The following ENKUR variants were observed in gnomAD, a reference collection of about 807,000 sequenced individuals.
The protein encoded by ENKUR is enkurin, TRPC channel interacting protein.
Under a neutral mutation model 27.6 loss-of-function variants are expected in ENKUR, and 19 were observed. That is an observed-to-expected ratio of 0.69 (90% CI 0.48 to 1.01). ENKUR has a LOEUF of 1.01. Among genes scored for constraint, ENKUR ranks in the 50% least tolerant of loss-of-function variants. ENKUR has a pLI of 0.00. For missense variants in ENKUR, 312 were observed against 310.5 expected (o/e 1.00, Z -0.04); for synonymous variants, 117 against 96.9 (o/e 1.21, Z -1.22).
rs61522642 is a variant in ENKUR, at chr10:25,015,947, T to C, written c.-11A>G. 2,423 of 1,604,348 alleles carry C rather than the reference T, an allele frequency of 1.5e-3. 20 individuals carry two copies. The highest frequency in any genetic ancestry group is 0.01 in the Middle Eastern group (62 of 6,048). On this transcript the variant is annotated 5_prime_UTR_variant, in exon 1 of 6. Coordinates refer to ENST00000331161, the MANE Select transcript of ENKUR (RefSeq NM_145010.4). Reference sequence around the variant, plus strand: ...GCACGTTGGATCCATGGCCACCAAATGACTCCTTAAAAGCTACTCTCCACA... The same window carrying C: ...GCACGTTGGATCCATGGCCACCAAACGACTCCTTAAAAGCTACTCTCCACA...
chr10:24,984,839 T>C lies in ENKUR; in HGVS notation c.661A>G (p.Ile221Val), dbSNP rs1292807412. ...FQSLSVFIDS[I>V]PKKIRKQRLE... is the part of the protein sequence containing the mutation. ...CTCTGCTTGCGGATCTTCTTTGGTA[T>C]AGAATCTATAAAGACCGAGAGGGAC... The change falls in exon 5 of 6, where the codon ATA becomes GTA. Residue 221 changes from isoleucine (I) to valine (V), a missense_variant. Ile to Val is a conservative substitution (Grantham distance 29). Transcript: ENST00000331161. 5 of 1,613,704 alleles carry C rather than the reference T, an allele frequency of 3.1e-6. No individual in the cohort carries two copies. Among genetic ancestry groups the C allele is most frequent in the Non-Finnish European group, 4.2e-6 (5 of 1,179,824 alleles).
chr10:25,048,027 C>A (rs573191515), intron 2 of ENKUR, among the ~76,000 whole-genome samples: 1 of 152,034 alleles, frequency 6.6e-6, no homozygotes, highest in African/African-American at 2.4e-5. Context: ...AGTCCTGTTC[C>A]TTCCTTACCC....
At position 25,011,843 on chromosome 10, in the gene ENKUR, C is replaced by T. The variant is rs1850452628; in HGVS notation, c.77+4017G>A. Among the ~76,000 whole-genome samples the T allele has an allele frequency of 2.0e-5, 3 of 152,226 alleles. No homozygotes were observed. The South Asian group carries it at 6.2e-4, about 31-fold the overall frequency. On this transcript the variant is annotated intron_variant, in intron 1 of 5. Coordinates refer to ENST00000331161, the MANE Select transcript of ENKUR (RefSeq NM_145010.4). ...TCTGAGGAGAAATTCAAGCCAGCTG[C>T]AGAAATTTGCATAAGGAGAAGCCAA...
chr10:25,040,169 C>T (rs191852926), intron 2 of ENKUR, among the ~76,000 whole-genome samples: 1 of 151,982 alleles, frequency 6.6e-6, no homozygotes, highest in Non-Finnish European at 1.5e-5. Flanking sequence ...AAGGTATAGG[C>T]TCAAAAATCC....
intron 2 of ENKUR, chr10:25,023,249 A>G: frequency 6.2e-7 from 1 of 1,612,746 alleles, no homozygotes; most frequent in East Asian, 2.2e-5. Context: ...CGATGTCATC[A>G]TCTGAAAAAG....
chr10:25,013,703 G>T (rs1378212412), intron 1 of ENKUR, among the ~76,000 whole-genome samples: 1 of 152,206 alleles, frequency 6.6e-6, no homozygotes, highest in Non-Finnish European at 1.5e-5. Flanking sequence ...AGCACTTTGG[G>T]AGGCAGAGGT....
At chr10:25,059,951 C>A (rs77566619) in intron 2 of ENKUR, among the ~76,000 whole-genome samples, 5,211 of 152,258 alleles carry the variant, frequency 0.034, 124 homozygotes, top group Non-Finnish European at 0.051. Flanking sequence ...ACCATTTTGC[C>A]TCGGGCAGCC....
intron 2 of ENKUR, among the ~76,000 whole-genome samples, chr10:25,035,128 C>A (rs1331867822): frequency 2.6e-5 from 4 of 152,088 alleles, no homozygotes; most frequent in Non-Finnish European, 4.4e-5. Context: ...TTTATTTTCC[C>A]AAGACCTCAG....
upstream of ENKUR, among the ~76,000 whole-genome samples, chr10:25,017,587 T>C (rs1010444424): frequency 2.6e-5 from 4 of 151,680 alleles, no homozygotes; most frequent in African/African-American, 9.7e-5. Context: ...GGGCTCTTAC[T>C]GAATTTCACT....
chr10:25,010,439 AT>A lies in ENKUR; in HGVS notation c.77+5420del, dbSNP rs374837869. Among the ~76,000 whole-genome samples, 1,142 of 151,594 alleles carry A rather than the reference AT, an allele frequency of 7.5e-3. 19 individuals are homozygous for A. Among genetic ancestry groups the A allele is most frequent in the African/African-American group, 0.025 (1,039 of 41,324 alleles). On this transcript the variant is annotated intron_variant, in intron 1 of 5. Coordinates refer to ENST00000331161, the MANE Select transcript of ENKUR (RefSeq NM_145010.4). Reference sequence around the variant, plus strand: ...AAGATATGGTTTGGAATTGGAACTCATTTTTTTTATTATTATTATTATACTT... The same window carrying A: ...AAGATATGGTTTGGAATTGGAACTCATTTTTTTATTATTATTATTATACTT...
At chr10:25,053,493 A>G (rs893797359) in intron 2 of ENKUR, among the ~76,000 whole-genome samples, 4 of 152,046 alleles carry the variant, frequency 2.6e-5, no homozygotes, top group African/African-American at 7.2e-5. Context: ...TGCTCCTAGG[A>G]GTTCACTGTT....
chr10:25,010,590 C>T, intron 1 of ENKUR, among the ~76,000 whole-genome samples: 1 of 151,454 alleles, frequency 6.6e-6, no homozygotes, highest in African/African-American at 2.4e-5. Flanking sequence ...GCTATCCCTC[C>T]CCCCTACCCC....
intron 2 of ENKUR, among the ~76,000 whole-genome samples, chr10:25,054,548 C>G (rs58397907): frequency 1.0e-5 from 1 of 99,434 alleles, no homozygotes; most frequent in African/African-American, 4.2e-5. Context: ...TCTTTCTTTC[C>G]TTTCTTTCTT....
chr10:24,996,549 C>T (rs934163919), intron 2 of ENKUR, among the ~76,000 whole-genome samples: 1 of 152,008 alleles, frequency 6.6e-6, no homozygotes, highest in East Asian at 1.9e-4. Flanking sequence ...TTTGATCATT[C>T]CCATTGATCT....
rs1440292495 is a variant in ENKUR at position 25,023,111 on chromosome 10, A to C, written c.38-27242T>G. On this transcript the variant is annotated intron_variant, in intron 2 of 5. Coordinates refer to the ENKUR transcript ENST00000615958. ...TATTCAGTCCTATTGGGATTTTAAC[A>C]ATCTACTGTAATTAGTAACCAAATT... The C allele has an allele frequency of 1.4e-4, 136 of 1,000,820 alleles. No individual in the cohort carries two copies. In the East Asian group the frequency reaches 3.3e-3, roughly 25 times the overall value. The allele number at this position is 1,000,820 out of a possible 1,614,324, so 62.0% of individuals were successfully genotyped here.
intron 2 of ENKUR, chr10:25,026,450 T>G (rs530767274): frequency 2.4e-5 from 4 of 167,110 alleles, no homozygotes; most frequent in African/African-American, 4.8e-5. Context: ...AGTGTATTTG[T>G]AGACAGCAGT....
intron 3 of ENKUR, among the ~76,000 whole-genome samples, chr10:24,993,472 A>G (rs1849972692): frequency 6.6e-6 from 1 of 152,342 alleles, no homozygotes; most frequent in South Asian, 2.1e-4. Context: ...TAAATACCTC[A>G]TGTGATCATC....
intron 2 of ENKUR, among the ~76,000 whole-genome samples, chr10:25,041,439 T>C (rs1416617225): frequency 6.6e-6 from 1 of 152,208 alleles, no homozygotes; most frequent in Non-Finnish European, 1.5e-5. Flanking sequence ...TTTCACCAAA[T>C]ATTGGAAAGC....
intron 2 of ENKUR, among the ~76,000 whole-genome samples, chr10:25,038,547 G>A (rs1050311594): frequency 3.2e-4 from 48 of 152,136 alleles, no homozygotes; most frequent in African/African-American, 8.7e-4. Flanking sequence ...ATAAAATAAC[G>A]TGTGTAAGGA....
Sources: gnomAD v4.1 joint callset for allele counts (sites outside exome capture counted in the v4.1 genomes callset) on GRCh38, gnomAD v4.1.1 for gene constraint, MANE v1.5 for transcripts, NCBI Gene and HGNC (gene_info 2026-07-23, HGNC 2026-07-21) for gene names.